The following DAP3 variants were observed in gnomAD, a reference collection of about 807,000 sequenced individuals.
DAP3 encodes small ribosomal subunit protein mS29.
Under a neutral mutation model 51.9 loss-of-function variants are expected in DAP3, and 28 were observed. The observed-to-expected ratio is 0.54, with a 90% CI of 0.40 to 0.74. DAP3 has a LOEUF of 0.74. DAP3 is among the 30% of genes least tolerant of loss of function. The pLI is 0.00. For synonymous variants in DAP3, 170 were observed against 170.3 expected, an observed-to-expected ratio of 1.00 and a Z score of 0.01; for missense variants, 458 against 483.5, an observed-to-expected ratio of 0.95 and a Z score of 0.49.
rs1347419918 is a variant in DAP3, at chr1:155,727,600, T to G, written c.473-8T>G. 1.2e-6 allele frequency: 2 copies of G among 1,610,124 alleles called. No individual in the cohort carries two copies. The highest frequency in any genetic ancestry group is 2.7e-5 in the African/African-American group (2 of 74,730). ...TGGCTTGTTTTCTTCTGCCTCTTTT[T>G]TTTAAAGCTCATCTTTGGGTGAAAA... On this transcript the variant is annotated splice_region_variant and splice_polypyrimidine_tract_variant and intron_variant, in intron 6 of 12. Coordinates refer to ENST00000368336, the MANE Select transcript of DAP3 (RefSeq NM_004632.4).
chr1:155,708,701 ATT>A (rs1179008308), intron 1 of DAP3, among the ~76,000 whole-genome samples: 15 of 125,872 alleles, frequency 1.2e-4, no homozygotes, highest in Admixed American at 2.4e-4. Flanking sequence ...CTCCTGACTA[ATT>A]TTTTTTTTTT....
At chr1:155,725,636 G>T (rs1286241600) in intron 5 of DAP3, 146 bp downstream of exon 5, 4 of 792,582 alleles carry the variant, frequency 5.0e-6, no homozygotes, top group Non-Finnish European at 8.1e-6. Context: ...GCCGAGGCAG[G>T]CGTATCGCCT....
At position 155,717,033 on chromosome 1, in the gene DAP3, G is replaced by T; in HGVS notation, c.73G>T (p.Gly25Trp). ...KLDPGRFLHM[G>W]TQARQSIAAH... The stretch of plus-strand genomic sequence containing the variant: ...GGACCCTGGGCGTTTTTTACACATG[G>T]GGACCCAGGCTCGCCAAAGCATTGC... Residue 25 changes from glycine to tryptophan, a missense_variant, in exon 3 of 13, where the codon GGG (glycine) becomes TGG (tryptophan). Physicochemically the swap from Gly to Trp is radical, Grantham distance 184. Coordinates refer to ENST00000368336, the MANE Select transcript of DAP3 (RefSeq NM_004632.4). 1 of 1,614,004 alleles carries T rather than the reference G, an allele frequency of 6.2e-7. No homozygotes were observed. Among genetic ancestry groups the T allele is most frequent in the Non-Finnish European group, 8.5e-7 (1 of 1,180,024 alleles).
At chr1:155,697,880 C>T (rs944146136) in intron 1 of DAP3, among the ~76,000 whole-genome samples, 1 of 152,202 alleles carries the variant, frequency 6.6e-6, no homozygotes, top group African/African-American at 2.4e-5. Context: ...CTGCATAAGA[C>T]AGACACTCCC....
At chr1:155,695,404 CT>C (rs1311888946) in intron 1 of DAP3, among the ~76,000 whole-genome samples, 1 of 152,176 alleles carries the variant, frequency 6.6e-6, no homozygotes, top group East Asian at 1.9e-4. Flanking sequence ...TGTCCTTGGC[CT>C]GTTTCCACAT....
At chr1:155,712,612 CAAAAAA>C (rs61338392) in intron 2 of DAP3, among the ~76,000 whole-genome samples, 4 of 55,504 alleles carry the variant, frequency 7.2e-5, no homozygotes, top group Admixed American at 6.3e-4. Context: ...AACTCCGTCT[CAAAAAA>C]AAAAAAAAAA....
intron 11 of DAP3, among the ~76,000 whole-genome samples, chr1:155,735,172 T>G (rs1401080260): frequency 2.7e-5 from 4 of 149,390 alleles, no homozygotes; most frequent in African/African-American, 9.9e-5. Flanking sequence ...TCCCAGATAC[T>G]CCGAAGGCTG....
intron 1 of DAP3, among the ~76,000 whole-genome samples, chr1:155,708,864 C>T (rs1373927384): frequency 1.3e-5 from 2 of 152,016 alleles, no homozygotes; most frequent in Non-Finnish European, 2.9e-5. Flanking sequence ...ACCACCACAC[C>T]TAGCTATTTT....
At chr1:155,732,152 A>G (rs1196533738) in intron 11 of DAP3, 119 bp downstream of exon 11, 3 of 773,480 alleles carry the variant, frequency 3.9e-6, no homozygotes. Flanking sequence ...ATATTCCTGT[A>G]TGCCCTTCCC....
At chr1:155,703,165 C>T (rs1405847526) in intron 1 of DAP3, among the ~76,000 whole-genome samples, 3 of 152,086 alleles carry the variant, frequency 2.0e-5, no homozygotes, top group Non-Finnish European at 4.4e-5. Flanking sequence ...TGAGATTAGC[C>T]TGTATATTAG....
chr1:155,733,003 G>A (rs1447045712), intron 11 of DAP3, among the ~76,000 whole-genome samples: 1 of 152,216 alleles, frequency 6.6e-6, no homozygotes, highest in Non-Finnish European at 1.5e-5. Context: ...CAGCGTGGGT[G>A]ACAGAGCGAG....
chr1:155,698,019 C>T (rs953106107), intron 1 of DAP3, among the ~76,000 whole-genome samples: 1 of 152,238 alleles, frequency 6.6e-6, no homozygotes, highest in Admixed American at 6.5e-5. Context: ...TGACTCTGTT[C>T]TGCCTGGCCC....
chr1:155,694,718 A>G (rs753501824), intron 1 of DAP3, among the ~76,000 whole-genome samples: 2 of 152,128 alleles, frequency 1.3e-5, no homozygotes, highest in Non-Finnish European at 2.9e-5. Flanking sequence ...AGGTACCCAA[A>G]CTGGAAGCTG....
At chr1:155,732,941 T>A (rs1487639676) in intron 11 of DAP3, among the ~76,000 whole-genome samples, 1 of 152,144 alleles carries the variant, frequency 6.6e-6, no homozygotes, top group Non-Finnish European at 1.5e-5. Flanking sequence ...GGAGAATCGC[T>A]TGAACCCGGG....
chr1:155,716,265 A>G (rs1000547312), intron 2 of DAP3, among the ~76,000 whole-genome samples: 1 of 152,210 alleles, frequency 6.6e-6, no homozygotes, highest in Non-Finnish European at 1.5e-5. Flanking sequence ...TCCTTTTTAC[A>G]TAGAAGAAAA....
chr1:155,713,256 C>A (rs1656933578), intron 2 of DAP3, among the ~76,000 whole-genome samples: 2 of 152,198 alleles, frequency 1.3e-5, no homozygotes, highest in South Asian at 2.1e-4. Context: ...AATCACATGA[C>A]CCCTCCTGTT....
In DAP3 at chr1:155,712,756, C is replaced by G. The variant is rs141523950; in HGVS notation, c.45+2932C>G. ...TTTGAGACTGTCCGGGGCAATATAG[C>G]AAGACCCTACCCTATGTCAAAAAAA... On this transcript the variant is annotated intron_variant, in intron 2 of 12. Coordinates refer to ENST00000368336, the MANE Select transcript of DAP3 (RefSeq NM_004632.4). 5.7e-3 allele frequency among the ~76,000 whole-genome samples: 870 copies of G among 151,554 alleles called. 7 individuals carry two copies. Among genetic ancestry groups the G allele is most frequent in the African/African-American group, 0.02 (811 of 41,102 alleles).
chr1:155,704,326 A>G (rs112236324), intron 1 of DAP3, among the ~76,000 whole-genome samples: 225 of 152,332 alleles, frequency 1.5e-3, no homozygotes, highest in African/African-American at 5.2e-3. Context: ...TCTATAACAT[A>G]GGCAAAATAA....
intron 5 of DAP3, 118 bp downstream of exon 5, chr1:155,725,608 A>C: frequency 4.2e-6 from 4 of 962,230 alleles, no homozygotes; most frequent in African/African-American, 1.6e-5. Flanking sequence ...CACACCTATA[A>C]TCCCAGGAGT....
Sources: allele counts gnomAD v4.1 joint callset (sites outside exome capture counted in the v4.1 genomes callset), GRCh38; gene constraint gnomAD v4.1.1; transcripts MANE v1.5; gene names NCBI Gene and HGNC (gene_info 2026-07-23, HGNC 2026-07-21).